The following CTSE variants were observed in gnomAD, a reference collection of about 807,000 sequenced individuals.
The protein encoded by CTSE is erythrocyte membrane aspartic proteinase.
Under a neutral mutation model 42.8 loss-of-function variants are expected in CTSE, and 43 were observed. That is an observed-to-expected ratio of 1.01 (90% CI 0.79 to 1.30). CTSE has a LOEUF of 1.30. CTSE is among the 50% of genes most tolerant of loss of function. The pLI is 0.00. For missense variants in CTSE, 532 were observed against 493.5 expected, an observed-to-expected ratio of 1.08 and a Z score of -0.74; for synonymous variants, 205 against 191.5, an observed-to-expected ratio of 1.07 and a Z score of -0.58.
chr1:206,010,151 C>G lies in CTSE; in HGVS notation c.*32G>C, dbSNP rs944301948. ...CCAGCCTAACATATTCAAGGTCTGT[C>G]AGACAGGCAGGCACAGACACAAGGC... On this transcript the variant is annotated 3_prime_UTR_variant, in exon 9 of 9. Transcript: ENST00000358184. 3.1e-6 allele frequency: 5 copies of G among 1,612,528 alleles called. No homozygotes were observed. The Admixed American group carries it at 8.3e-5, about 27-fold the overall frequency.
At chr1:206,022,025 T>G in intron 3 of CTSE, 125 bp downstream of exon 3, 1 of 602,968 alleles carries the variant, frequency 1.7e-6, no homozygotes. Context: ...AGATGGAGAG[T>G]GGAAGCTGGT....
intron 6 of CTSE, 107 bp from the exon 7 acceptor site, chr1:206,012,756 C>A: frequency 7.9e-7 from 1 of 1,261,812 alleles, no homozygotes; most frequent in South Asian, 1.3e-5. Context: ...ATGATTTCCA[C>A]CCACCATATG....
At chr1:206,021,705 T>G (rs1181172318) in intron 3 of CTSE, among the ~76,000 whole-genome samples, 3 of 151,986 alleles carry the variant, frequency 2.0e-5, no homozygotes, top group African/African-American at 7.2e-5. Context: ...CATGCCATTG[T>G]GCCCCACCAG....
intron 1 of CTSE, among the ~76,000 whole-genome samples, 177 bp downstream of exon 1, chr1:206,023,547 G>A (rs1186592739): frequency 6.6e-6 from 1 of 151,850 alleles, no homozygotes; most frequent in Non-Finnish European, 1.5e-5. Flanking sequence ...ACTTGTTGAG[G>A]ACTGGAGATT....
rs1293391389 is a variant in CTSE at position 206,015,995 on chromosome 1, C to T, written c.598G>A (p.Val200Ile). Residue 200 changes from valine to isoleucine, a missense_variant, in exon 5 of 9, where the codon GTA (valine) becomes ATA (isoleucine). Transcript: ENST00000358184. The stretch of plus-strand genomic sequence containing the variant: ...TTCTGAGCCATCATGTTGTCAAATA[C>T]TGGAGTCACTCCTCCCACAGCCAAG... ...PSLAVGGVTP[V>I]FDNMMAQNLV... is the part of the protein sequence containing the mutation. The T allele has an allele frequency of 1.2e-6, 2 of 1,613,770 alleles. No individual in the cohort carries two copies. The highest frequency in any genetic ancestry group is 1.7e-6 in the Non-Finnish European group (2 of 1,179,906).
chr1:206,012,183 G>A (rs1661118935), intron 8 of CTSE, 125 bp downstream of exon 8: 1 of 740,744 alleles, frequency 1.3e-6, no homozygotes. Context: ...AATGCCACAT[G>A]AGAGCAGAAC....
At chr1:206,010,392 G>A (rs181670334) in intron 8 of CTSE, 45 bp from the exon 9 acceptor site, 2 of 1,556,626 alleles carry the variant, frequency 1.3e-6, no homozygotes, top group African/African-American at 2.7e-5. Context: ...GGGGGAAGAA[G>A]GTAGTAGTAC....
chr1:206,018,532 G>A (rs1351638075), intron 4 of CTSE, among the ~76,000 whole-genome samples: 1 of 151,954 alleles, frequency 6.6e-6, no homozygotes, highest in African/African-American at 2.4e-5. Context: ...ATTTATCAGT[G>A]AGGCTTTTCT....
Position 206,009,871 on chromosome 1 carries a change from A to C in CTSE, c.*312T>G, listed in dbSNP as rs1553276652. The C allele has an allele frequency of 2.7e-6, 1 of 365,472 alleles. No homozygotes were observed. Among genetic ancestry groups the C allele is most frequent in the Non-Finnish European group, 5.2e-6 (1 of 192,566 alleles). The allele number at this position is 365,472 out of a possible 1,614,324, so 22.6% of individuals were successfully genotyped here. ...TATACCATGATCTCTGCTTGTGCAT[A>C]TGTTTGGAGATTTTCATAATCAAAT... On this transcript the variant is annotated 3_prime_UTR_variant, in exon 9 of 9. Coordinates refer to ENST00000358184, the MANE Select transcript of CTSE (RefSeq NM_001910.4).
chr1:206,023,006 G>T lies in CTSE; in HGVS notation c.120C>A (p.Ser40Arg), dbSNP rs782727795. 1 of 1,613,188 alleles carries T rather than the reference G, an allele frequency of 6.2e-7. No individual in the cohort carries two copies. Among genetic ancestry groups the T allele is most frequent in the Non-Finnish European group, 8.5e-7 (1 of 1,179,470 alleles). Residue 40 changes from serine (S) to arginine (R), a missense_variant, in exon 2 of 9, where the codon AGC becomes AGA. Ser to Arg is a moderately radical substitution (Grantham distance 110, BLOSUM62 -1). Transcript: ENST00000358184. ...PSLKKKLRAR[S>R]QLSEFWKSHN... ...GGGATTTCCAGAACTCAGAGAGCTGGCTCCGTGCCCGCAGCTTCTTCTTGA... is the reference window on the plus strand; with the variant it reads ...GGGATTTCCAGAACTCAGAGAGCTGTCTCCGTGCCCGCAGCTTCTTCTTGA...
At chr1:206,017,517 T>A (rs1661295999) in intron 4 of CTSE, among the ~76,000 whole-genome samples, 1 of 151,888 alleles carries the variant, frequency 6.6e-6, no homozygotes, top group South Asian at 2.1e-4. Context: ...TGAGACAGAG[T>A]CTCACTCTGT....
Position 206,010,045 on chromosome 1 carries a change from T to A in CTSE, c.*138A>T. The A allele has an allele frequency of 1.1e-6, 1 of 878,360 alleles. No homozygotes were observed. 54.4% of individuals were successfully genotyped at this position (878,360 alleles called of 1,614,324 possible). Reference sequence around the variant, plus strand: ...TGTGTGTGTGTGTATTCTCATGTTCTGTTTGGTCTTAATTCAAGTTGCAAC... The same window carrying A: ...TGTGTGTGTGTGTATTCTCATGTTCAGTTTGGTCTTAATTCAAGTTGCAAC... On this transcript the variant is annotated 3_prime_UTR_variant, in exon 9 of 9. Transcript: ENST00000358184.
Position 206,013,797 on chromosome 1 carries a change from C to T in CTSE, c.760G>A (p.Ala254Thr). 6.2e-7 allele frequency: 1 copy of T among 1,613,854 alleles called. No homozygotes were observed. The highest frequency in any genetic ancestry group is 2.2e-5 in the East Asian group (1 of 44,882). ...TTATCCAGTGCAATCTGCCAGTAAG[C>T]TTGCTTGGTGACTGGGACCCAATTC... ...SLNWVPVTKQAYWQIALDNIQ... is the reference protein window; with the variant it reads ...SLNWVPVTKQTYWQIALDNIQ... The change falls in exon 6 of 9, where the codon GCT (alanine) becomes ACT (threonine). Residue 254 changes from alanine (A) to threonine (T), a missense_variant. Ala to Thr is a moderately conservative substitution (Grantham distance 58, BLOSUM62 0). Coordinates refer to ENST00000358184, the MANE Select transcript of CTSE (RefSeq NM_001910.4).
In CTSE at chr1:206,017,540, A is replaced by AG. The variant is rs1661296642; in HGVS notation, c.463-1411dup. 3.3e-5 allele frequency among the ~76,000 whole-genome samples: 5 copies of AG among 152,182 alleles called. No individual in the cohort carries two copies. The South Asian group carries it at 1.0e-3, about 32-fold the overall frequency. On this transcript the variant is annotated intron_variant, in intron 4 of 8. Coordinates refer to ENST00000358184, the MANE Select transcript of CTSE (RefSeq NM_001910.4). ...AGTCTCACTCTGTCACTCAGGCTGG[A>AG]GTGCCATGGCATGATCTTGGCTCAC... is the stretch of plus-strand genomic sequence containing the variant.
chr1:206,018,196 T>A (rs1196826089), intron 4 of CTSE, among the ~76,000 whole-genome samples: 13 of 152,196 alleles, frequency 8.5e-5, no homozygotes, highest in Admixed American at 7.2e-4. Flanking sequence ...TTGAATGTTA[T>A]TAACCTACTA....
At chr1:206,023,098 C>T (rs371000824) in intron 1 of CTSE, 41 bp from the exon 2 acceptor site, 2 of 1,603,182 alleles carry the variant, frequency 1.2e-6, no homozygotes, top group Admixed American at 1.7e-5. Context: ...TGTACTTCTG[C>T]CTCCCTCTTC....
rs1356055192 is a variant in CTSE, at chr1:206,016,575, C to T, written c.463-445G>A. ...TTTCTTCTAAAAGCTTTATTGTTTA[C>T]TTTTCACATTGCGATCTGGAACCTA... On this transcript the variant is annotated intron_variant, in intron 4 of 8. Coordinates refer to ENST00000358184, the MANE Select transcript of CTSE (RefSeq NM_001910.4). Among the ~76,000 whole-genome samples, 3 of 151,926 alleles carry T rather than the reference C, an allele frequency of 2.0e-5. No homozygotes were observed. In the East Asian group the frequency reaches 5.8e-4, roughly 29 times the overall value.
intron 4 of CTSE, among the ~76,000 whole-genome samples, chr1:206,019,392 C>T (rs1289412914): frequency 6.6e-6 from 1 of 151,988 alleles, no homozygotes; most frequent in Admixed American, 6.6e-5. Context: ...CCCAAGTCTC[C>T]AGCCTCAATG....
At chr1:206,022,778 A>G (rs1661477579) in intron 2 of CTSE, 123 bp downstream of exon 2, 1 of 982,042 alleles carries the variant, frequency 1.0e-6, no homozygotes, top group South Asian at 1.8e-5. Flanking sequence ...CCCATGGATC[A>G]TCATCCAAGT....
Sources: allele counts gnomAD v4.1 joint callset (sites outside exome capture counted in the v4.1 genomes callset), GRCh38; gene constraint gnomAD v4.1.1; transcripts MANE v1.5; gene names NCBI Gene and HGNC (gene_info 2026-07-23, HGNC 2026-07-21).